Variants in CDIN1 observed in about 807,000 individuals in gnomAD.
The protein encoded by CDIN1 is CDAN1 interacting nuclease 1.
CDIN1 carries 33 observed loss-of-function variants against 45.3 expected under a neutral mutation model. That is an observed-to-expected ratio of 0.73 (90% CI 0.55 to 0.97). The LOEUF (loss-of-function observed/expected upper bound fraction) is 0.97. CDIN1 is among the 50% of genes least tolerant of loss of function. The probability of loss-of-function intolerance (pLI) is 0.00; values close to 1 mark genes in which losing one functional copy is unlikely to be tolerated. For missense variants in CDIN1, 303 were observed against 339.4 expected, an observed-to-expected ratio of 0.89 and a Z score of 0.84; for synonymous variants, 118 against 124.4, an observed-to-expected ratio of 0.95 and a Z score of 0.34.
At chr15:36,691,270 G>T (rs748401280) in intron 5 of CDIN1, 1 of 495,416 alleles carries the variant, frequency 2.0e-6, no homozygotes, top group Admixed American at 2.1e-5. Context: ...GTGAAGACAG[G>T]TCAGATTCAA....
In CDIN1 at chr15:36,803,690, C is replaced by A. The variant is rs746475815; in HGVS notation, c.717-4634C>A. On this transcript the variant is annotated intron_variant, in intron 10 of 10. Transcript: ENST00000566621. ...ATTGTCCTAAGTCTGCACTTGAGAG[C>A]TACAGCACGAATCAAATCCTTCCTC... 1.3e-4 allele frequency among the ~76,000 whole-genome samples: 20 copies of A among 152,298 alleles called. No individual in the cohort carries two copies. In the Middle Eastern group the frequency reaches 0.01, roughly 78 times the overall value.
At chr15:36,697,217 A>C in intron 7 of CDIN1, 106 bp from the exon 8 acceptor site, 1 of 831,752 alleles carries the variant, frequency 1.2e-6, no homozygotes, top group Non-Finnish European at 2.0e-6. Context: ...TTCCTCCAAG[A>C]TGTGGACTAA....
chr15:36,808,349 T>C lies in CDIN1; in HGVS notation c.742T>C (p.Trp248Arg). The C allele has an allele frequency of 6.2e-7, 1 of 1,613,578 alleles. No individual in the cohort carries two copies. Among genetic ancestry groups the C allele is most frequent in the Non-Finnish European group, 8.5e-7 (1 of 1,179,596 alleles). ...ATTTGGGCCAGGCTTAGTCATCTAT[T>C]GGTATGGATTTATCCAGGAGCTGGA... is the stretch of plus-strand genomic sequence containing the variant. ...NRFGPGLVIY[W>R]YGFIQELDCN... The change falls in exon 11 of 11, where the codon TGG (tryptophan) becomes CGG (arginine). Residue 248 changes from tryptophan (W) to arginine (R), a missense_variant. Coordinates refer to ENST00000566621, the MANE Select transcript of CDIN1 (RefSeq NM_001321759.2).
chr15:36,804,674 C>CTTTTTTTTTTTTTTTTTTTTTT (rs3045810), intron 10 of CDIN1: 1 of 84,890 alleles, frequency 1.2e-5, no homozygotes, highest in Non-Finnish European at 2.0e-5. Context: ...CAGAGAATCA[C>CTTTTTTTTTTTTTTTTTTTTTT]TTTTTTTTTT....
At chr15:36,622,390 G>A (rs983082066) in intron 1 of CDIN1, among the ~76,000 whole-genome samples, 2 of 152,174 alleles carry the variant, frequency 1.3e-5, no homozygotes, top group Non-Finnish European at 2.9e-5. Context: ...TCATTGGCAT[G>A]CCATTGTGGA....
chr15:36,654,973 C>T (rs375229456), intron 4 of CDIN1, among the ~76,000 whole-genome samples: 109 of 152,242 alleles, frequency 7.2e-4, no homozygotes, highest in African/African-American at 2.2e-3. Flanking sequence ...ACTGTTTTTG[C>T]GTTGCATTAT....
At chr15:36,789,783 G>A (rs2054598429) in intron 10 of CDIN1, among the ~76,000 whole-genome samples, 1 of 152,148 alleles carries the variant, frequency 6.6e-6, no homozygotes, top group Non-Finnish European at 1.5e-5. Flanking sequence ...TGGAAGGTTT[G>A]AGAGCAGCAA....
intron 8 of CDIN1, among the ~76,000 whole-genome samples, chr15:36,698,069 A>T (rs12441609): frequency 0.14 from 21,203 of 152,144 alleles, 1,537 homozygotes; most frequent in East Asian, 0.24. Context: ...AAGTCATTTT[A>T]TTATTATACA....
chr15:36,646,171 A>G (rs1345106343), intron 3 of CDIN1, among the ~76,000 whole-genome samples: 2 of 152,188 alleles, frequency 1.3e-5, no homozygotes, highest in Non-Finnish European at 2.9e-5. Context: ...GGTGAGAATG[A>G]CACCACTGAT....
At chr15:36,754,741 A>G (rs2053564577) in intron 10 of CDIN1, among the ~76,000 whole-genome samples, 1 of 152,120 alleles carries the variant, frequency 6.6e-6, no homozygotes, top group Non-Finnish European at 1.5e-5. Context: ...TAAAGAACGC[A>G]GAAGCAAGGA....
intron 4 of CDIN1, 98 bp downstream of exon 4, chr15:36,654,256 A>C: frequency 1.0e-6 from 1 of 1,004,780 alleles, no homozygotes; most frequent in Non-Finnish European, 1.5e-6. Context: ...TTGGAAAAAA[A>C]AAGGATTTGA....
chr15:36,652,400 A>G (rs1193803259), intron 3 of CDIN1, among the ~76,000 whole-genome samples: 1 of 152,172 alleles, frequency 6.6e-6, no homozygotes, highest in African/African-American at 2.4e-5. Context: ...ACGCTGACCC[A>G]GAATCAGAAA....
rs2038775826 is a variant in CDIN1, at chr15:36,614,094, TA to T, written c.102-30183del. On this transcript the variant is annotated intron_variant, in intron 1 of 10. Coordinates refer to ENST00000566621, the MANE Select transcript of CDIN1 (RefSeq NM_001321759.2). Reference sequence around the variant, plus strand: ...TGTGCTGAGTTTGCTGAGAGATCGGTAGCCAAGCTGGAAATGACTTGGAAGA... The same window carrying T: ...TGTGCTGAGTTTGCTGAGAGATCGGTGCCAAGCTGGAAATGACTTGGAAGA... The T allele has an allele frequency of 7.2e-6, 6 of 827,988 alleles. No homozygotes were observed. The Admixed American group carries it at 1.0e-4, about 14-fold the overall frequency. The allele number at this position is 827,988 out of a possible 1,614,324, so 51.3% of individuals were successfully genotyped here.
Position 36,808,571 on chromosome 15 carries a change from C to A in CDIN1, c.*118C>A. 1 of 1,321,514 alleles carries A rather than the reference C, an allele frequency of 7.6e-7. No individual in the cohort carries two copies. The highest frequency in any genetic ancestry group is 1.0e-6 in the Non-Finnish European group (1 of 962,786). The allele number at this position is 1,321,514 out of a possible 1,614,324, so 81.9% of individuals were successfully genotyped here. On this transcript the variant is annotated 3_prime_UTR_variant, in exon 11 of 11. Coordinates refer to ENST00000566621, the MANE Select transcript of CDIN1 (RefSeq NM_001321759.2). The stretch of plus-strand genomic sequence containing the variant: ...CTGAACTTCAGCTGAACTCTTGCTG[C>A]CCGTAGTCACACCACTACCTCTTTA...
intron 7 of CDIN1, among the ~76,000 whole-genome samples, chr15:36,696,138 G>A (rs895054405): frequency 6.6e-6 from 1 of 152,026 alleles, no homozygotes; most frequent in Non-Finnish European, 1.5e-5. Flanking sequence ...TAATTATGAG[G>A]ATAAAATAAC....
chr15:36,690,120 A>G (rs1392680287), intron 5 of CDIN1, among the ~76,000 whole-genome samples: 5 of 152,214 alleles, frequency 3.3e-5, no homozygotes, highest in Non-Finnish European at 5.9e-5. Flanking sequence ...GGCTAAGTAC[A>G]TAAGTGTTGC....
intron 3 of CDIN1, among the ~76,000 whole-genome samples, chr15:36,648,128 C>A (rs932159132): frequency 6.6e-6 from 1 of 151,994 alleles, no homozygotes; most frequent in Non-Finnish European, 1.5e-5. Flanking sequence ...CGTGAGCCAC[C>A]GTGCCCGGCT....
chr15:36,734,417 A>G (rs1220534783), intron 10 of CDIN1: 6 of 408,946 alleles, frequency 1.5e-5, no homozygotes, highest in Non-Finnish European at 2.8e-5. Flanking sequence ...TTTTAAAAAA[A>G]GCTCATTTAT....
At chr15:36,738,471 T>C (rs2044114175) in intron 10 of CDIN1, among the ~76,000 whole-genome samples, 1 of 152,152 alleles carries the variant, frequency 6.6e-6, no homozygotes, top group South Asian at 2.1e-4. Flanking sequence ...TCAGCCTTCA[T>C]GGCCCTAGAT....
Sources: gnomAD v4.1 joint callset for allele counts (sites outside exome capture counted in the v4.1 genomes callset) on GRCh38, gnomAD v4.1.1 for gene constraint, MANE v1.5 for transcripts, NCBI Gene and HGNC (gene_info 2026-07-23, HGNC 2026-07-21) for gene names.